The following SCN9A variants were observed in gnomAD, a reference collection of about 807,000 sequenced individuals.
SCN9A encodes sodium voltage-gated channel alpha subunit 9.
A neutral mutation model predicts 187.0 loss-of-function variants in SCN9A; 131 were observed. That is an observed-to-expected ratio of 0.70 (90% CI 0.61 to 0.81). The LOEUF (loss-of-function observed/expected upper bound fraction) is 0.81. SCN9A is among the 30% of genes least tolerant of loss of function. SCN9A has a pLI of 0.00. For synonymous variants in SCN9A, 809 were observed against 808.6 expected, an observed-to-expected ratio of 1.00 and a Z score of -0.01; for missense variants, 2,252 against 2,396.6, an observed-to-expected ratio of 0.94 and a Z score of 1.26.
chr2:166,338,174 T>C (rs573668899), intron 1 of SCN9A, among the ~76,000 whole-genome samples: 31 of 152,176 alleles, frequency 2.0e-4, no homozygotes, highest in African/African-American at 7.5e-4. Flanking sequence ...GAGGTCCACA[T>C]TGAGCAGTTG....
chr2:166,350,968 T>C (rs952954718), intron 1 of SCN9A, among the ~76,000 whole-genome samples: 30 of 152,300 alleles, frequency 2.0e-4, no homozygotes, highest in Middle Eastern at 3.4e-3. Flanking sequence ...TTTTAAAACA[T>C]TATTTTAACA....
At chr2:166,367,429 GTT>G (rs1700444149) in intron 1 of SCN9A, among the ~76,000 whole-genome samples, 1 of 151,770 alleles carries the variant, frequency 6.6e-6, no homozygotes, top group South Asian at 2.1e-4. Flanking sequence ...TGCCTGGATA[GTT>G]TTTGTATTTT....
chr2:166,205,150 G>T (rs1269967879), intron 24 of SCN9A: 1 of 151,782 alleles, frequency 6.6e-6, no homozygotes, highest in Non-Finnish European at 1.5e-5. Context: ...CACAAAATTG[G>T]AAAAAAACTA....
chr2:166,302,161 C>T (rs565379060), intron 7 of SCN9A: 12 of 150,952 alleles, frequency 7.9e-5, no homozygotes, highest in African/African-American at 2.7e-4. Context: ...CATACCACAC[C>T]TGGGTCAAAT....
At chr2:166,366,423 TTGA>T (rs1162959319) in intron 1 of SCN9A, among the ~76,000 whole-genome samples, 1 of 152,188 alleles carries the variant, frequency 6.6e-6, no homozygotes, top group Non-Finnish European at 1.5e-5. Context: ...CTTTTATCTG[TTGA>T]TGATCATTTG....
chr2:166,357,159 T>C (rs1300987341), intron 1 of SCN9A, among the ~76,000 whole-genome samples: 1 of 152,176 alleles, frequency 6.6e-6, no homozygotes, highest in African/African-American at 2.4e-5. Context: ...TTCCCACCTA[T>C]GTGTCCATGT....
At chr2:166,339,481 G>C (rs1389728413) in intron 1 of SCN9A, among the ~76,000 whole-genome samples, 3 of 152,102 alleles carry the variant, frequency 2.0e-5, no homozygotes, top group African/African-American at 7.2e-5. Flanking sequence ...GGAAAGACAT[G>C]CATGTTCTTA....
intron 1 of SCN9A, among the ~76,000 whole-genome samples, chr2:166,326,414 A>C (rs1021071288): frequency 6.6e-6 from 1 of 152,198 alleles, no homozygotes; most frequent in African/African-American, 2.4e-5. Context: ...TAAATACCTG[A>C]TAACATCTTT....
chr2:166,258,904 T>C (rs1041908051), intron 17 of SCN9A, among the ~76,000 whole-genome samples: 16 of 151,738 alleles, frequency 1.1e-4, no homozygotes, highest in Middle Eastern at 3.2e-3. Flanking sequence ...GGTTTTCAAA[T>C]TAAATGTAGC....
chr2:166,284,574 A>AT lies in SCN9A; in HGVS notation c.1852dup (p.Met618AsnfsTer15). The AT allele has an allele frequency of 3.1e-6, 5 of 1,614,052 alleles. No homozygotes were observed. The highest frequency in any genetic ancestry group is 1.7e-6 in the Non-Finnish European group (2 of 1,179,976). ...ACCGTTGCAGTCCACAGCACTGTGC[A>AT]TTTTCCCGTTCACCGGCAGCATTGG... On this transcript the variant is annotated frameshift_variant, in exon 12 of 27. Coordinates refer to ENST00000642356, the MANE Select transcript of SCN9A (RefSeq NM_001365536.1). LOFTEE classifies it high-confidence loss of function.
intron 7 of SCN9A, among the ~76,000 whole-genome samples, chr2:166,299,608 T>C (rs1370150570): frequency 6.6e-6 from 1 of 150,724 alleles, no homozygotes; most frequent in African/African-American, 2.5e-5. Flanking sequence ...GAGTTGTAGA[T>C]CTTGGTACCA....
chr2:166,277,292 C>G lies in SCN9A; in HGVS notation c.2565G>C (p.Leu855=). The G allele has an allele frequency of 1.9e-6, 3 of 1,613,504 alleles. No individual in the cohort carries two copies. Among genetic ancestry groups the G allele is most frequent in the Non-Finnish European group, 2.5e-6 (3 of 1,179,498 alleles). ...LAKSWPTLNM[L]IKIIGNSVGA... ...CTACTGAGTTACCAATGATCTTAAT[C>G]AGCATGTTCAATGTTGGCCAGGATT... Residue 855 remains leucine, a synonymous_variant, in exon 16 of 27, where the codon CTG becomes CTC. Coordinates refer to ENST00000642356, the MANE Select transcript of SCN9A (RefSeq NM_001365536.1).
chr2:166,330,826 T>C (rs2105263418), intron 1 of SCN9A, among the ~76,000 whole-genome samples: 1 of 152,208 alleles, frequency 6.6e-6, no homozygotes, highest in South Asian at 2.1e-4. Context: ...GGTGGTAATG[T>C]TCACTGGGCT....
rs187686954 is a variant in SCN9A at position 166,357,617 on chromosome 2, C to G, written c.-51+18080G>C. Among the ~76,000 whole-genome samples the G allele has an allele frequency of 3.3e-4, 51 of 152,310 alleles. No individual in the cohort carries two copies. The East Asian group carries it at 7.7e-3, about 23-fold the overall frequency. On this transcript the variant is annotated intron_variant, in intron 1 of 26. Transcript: ENST00000642356. Reference sequence around the variant, plus strand: ...CAAAAAGGAAGGCGGCACTCTGGTTCCAAGAAGTTCACCACCTATTTCTGG... The same window carrying G: ...CAAAAAGGAAGGCGGCACTCTGGTTGCAAGAAGTTCACCACCTATTTCTGG...
At chr2:166,222,728 C>A (rs1694643696) in intron 24 of SCN9A, among the ~76,000 whole-genome samples, 1 of 143,644 alleles carries the variant, frequency 7.0e-6, no homozygotes, top group African/African-American at 2.9e-5. Flanking sequence ...GTCAGGAGAT[C>A]GAGACCATCC....
rs886055051 is a variant in SCN9A at position 166,228,985 on chromosome 2, A to G, written c.3925-13T>C. On this transcript the variant is annotated splice_polypyrimidine_tract_variant and intron_variant, in intron 21 of 26. Transcript: ENST00000642356. ...CATTCACAACGACCTAGTATTCAAA[A>G]GAAAGAAAAGCATGATTAGGATTAG... 1.4e-5 allele frequency: 23 copies of G among 1,600,256 alleles called. No individual in the cohort carries two copies. The East Asian group carries it at 4.0e-4, about 28-fold the overall frequency.
chr2:166,318,056 A>G (rs1219408406), intron 1 of SCN9A, among the ~76,000 whole-genome samples: 2 of 152,182 alleles, frequency 1.3e-5, no homozygotes, highest in African/African-American at 2.4e-5. Flanking sequence ...TGTTGCAGAA[A>G]ACATTGTCCC....
intron 7 of SCN9A, chr2:166,298,654 G>A (rs1331437582): frequency 2.0e-5 from 3 of 152,124 alleles, no homozygotes; most frequent in African/African-American, 7.2e-5. Flanking sequence ...ACTTTCTCAT[G>A]ATCTATCAAC....
At chr2:166,357,843 C>A (rs977718602) in intron 1 of SCN9A, among the ~76,000 whole-genome samples, 1 of 152,004 alleles carries the variant, frequency 6.6e-6, no homozygotes, top group African/African-American at 2.4e-5. Context: ...GTCTCCAATA[C>A]CAAACAGGGA....
Sources: gnomAD v4.1 joint callset for allele counts (sites outside exome capture counted in the v4.1 genomes callset) on GRCh38, gnomAD v4.1.1 for gene constraint, MANE v1.5 for transcripts, NCBI Gene and HGNC (gene_info 2026-07-23, HGNC 2026-07-21) for gene names.